ABCC1: variants seen among roughly 807,000 people sequenced by gnomAD.
ABCC1 encodes ATP binding cassette subfamily C member 1 (ABCC1 blood group), also known as multidrug resistance-associated protein 1.
Under a neutral mutation model 172.9 loss-of-function variants are expected in ABCC1, and 83 were observed. The observed-to-expected ratio is 0.48, with a 90% CI of 0.40 to 0.58. The LOEUF (loss-of-function observed/expected upper bound fraction) is 0.58. Ranked by LOEUF, ABCC1 falls within the 20% of genes least tolerant of loss-of-function variation. The pLI is 0.00. For missense variants in ABCC1, 1,817 were observed against 2,002.7 expected (o/e 0.91, Z 1.77); for synonymous variants, 937 against 825.2 (o/e 1.14, Z -2.32).
intron 1 of ABCC1, among the ~76,000 whole-genome samples, chr16:15,997,023 T>G (rs912837587): frequency 6.6e-6 from 1 of 151,590 alleles, no homozygotes; most frequent in African/African-American, 2.4e-5. Context: ...TTGATCAAGC[T>G]GGTGAAGTGT....
intron 19 of ABCC1, among the ~76,000 whole-genome samples, chr16:16,091,527 C>T (rs981604485): frequency 6.6e-6 from 1 of 151,988 alleles, no homozygotes. Flanking sequence ...GATAGGGAAA[C>T]CCTCTCTGGG....
intron 1 of ABCC1, among the ~76,000 whole-genome samples, chr16:15,963,561 G>A (rs1038768810): frequency 4.6e-5 from 7 of 152,206 alleles, no homozygotes; most frequent in African/African-American, 1.7e-4. Flanking sequence ...CTAGGTGGAG[G>A]TTTCCAAACC....
rs61396501 is a variant in ABCC1 at position 15,984,448 on chromosome 16, C to CGTTTTTT, written c.49-23368_49-23367insGTTTTTT. ...TTTTTATTGTTTACCTTGATATATA[C>CGTTTTTT]TTTTTTTTTTTTTGAGATAGAGTCT... is the stretch of plus-strand genomic sequence containing the variant. On this transcript the variant is annotated intron_variant, in intron 1 of 30. Coordinates refer to ENST00000399410, the MANE Select transcript of ABCC1 (RefSeq NM_004996.4). Among the ~76,000 whole-genome samples, 121 of 146,896 alleles carry CGTTTTTT rather than the reference C, an allele frequency of 8.2e-4. 17 individuals are homozygous for CGTTTTTT. Among genetic ancestry groups the CGTTTTTT allele is most frequent in the Middle Eastern group, 3.5e-3 (1 of 282 alleles).
At chr16:15,997,642 G>T (rs1391830830) in intron 1 of ABCC1, among the ~76,000 whole-genome samples, 1 of 152,006 alleles carries the variant, frequency 6.6e-6, no homozygotes, top group Non-Finnish European at 1.5e-5. Context: ...GACTGCCAGG[G>T]AATCGTCCCT....
chr16:15,981,225 T>G (rs977578977), intron 1 of ABCC1, among the ~76,000 whole-genome samples: 3 of 152,224 alleles, frequency 2.0e-5, no homozygotes, highest in Non-Finnish European at 4.4e-5. Context: ...AAGCTGTCCA[T>G]GGATCTACCA....
chr16:15,954,370 C>A (rs1437672446), intron 1 of ABCC1, among the ~76,000 whole-genome samples: 1 of 152,046 alleles, frequency 6.6e-6, no homozygotes, highest in East Asian at 1.9e-4. Flanking sequence ...CCAGACCCTT[C>A]CTCTCTCCCT....
At chr16:15,984,082 T>G (rs1257809487) in intron 1 of ABCC1, among the ~76,000 whole-genome samples, 1 of 152,196 alleles carries the variant, frequency 6.6e-6, no homozygotes, top group Admixed American at 6.5e-5. Context: ...CTAAGGGAAC[T>G]CATTGTGTCA....
intron 12 of ABCC1, among the ~76,000 whole-genome samples, chr16:16,057,818 C>A (rs977323214): frequency 6.6e-6 from 1 of 152,076 alleles, no homozygotes; most frequent in Non-Finnish European, 1.5e-5. Flanking sequence ...CTCTGTCCCC[C>A]AGGCTGGAGT....
intron 30 of ABCC1, among the ~76,000 whole-genome samples, chr16:16,139,794 T>C (rs1438909638): frequency 2.0e-5 from 3 of 152,072 alleles, no homozygotes; most frequent in Non-Finnish European, 2.9e-5. Flanking sequence ...TTTTGAGTTT[T>C]GTGTGGGTCA....
chr16:16,064,072 G>T (rs550846070), intron 12 of ABCC1, among the ~76,000 whole-genome samples: 2 of 152,180 alleles, frequency 1.3e-5, no homozygotes, highest in African/African-American at 2.4e-5. Context: ...CATAAACAGA[G>T]TAATAGATGC....
chr16:16,040,102 G>GTATT (rs1338233895), intron 7 of ABCC1, among the ~76,000 whole-genome samples: 1 of 148,686 alleles, frequency 6.7e-6, no homozygotes, highest in Non-Finnish European at 1.5e-5. Flanking sequence ...ATGTATGTAT[G>GTATT]TATGTATTTT....
At chr16:15,966,573 C>A (rs1452175985) in intron 1 of ABCC1, among the ~76,000 whole-genome samples, 2 of 151,884 alleles carry the variant, frequency 1.3e-5, no homozygotes, top group African/African-American at 2.4e-5. Context: ...TAAGGCTTCA[C>A]TAATTTACTA....
intron 1 of ABCC1, among the ~76,000 whole-genome samples, chr16:15,955,471 AGGGTACAAGCCAAAG>A (rs1328466406): frequency 1.3e-5 from 2 of 152,066 alleles, no homozygotes; most frequent in Non-Finnish European, 2.9e-5. Context: ...TAGTTCCTTG[AGGGTACAAGCCAAAG>A]GGCTTACAGT....
rs552340914 is a variant in ABCC1, at chr16:16,108,261, G to A, written c.2871+1388G>A. On this transcript the variant is annotated intron_variant, in intron 21 of 30. Coordinates refer to ENST00000399410, the MANE Select transcript of ABCC1 (RefSeq NM_004996.4). ...TGGAGCCAGGCACAACACGCTTATC[G>A]TTTCTTTGTGTCTTTTTTTTTTTTT... 3.9e-3 allele frequency among the ~76,000 whole-genome samples: 564 copies of A among 144,916 alleles called. 5 individuals are homozygous for A. The highest frequency in any genetic ancestry group is 0.013 in the African/African-American group (511 of 39,750).
intron 13 of ABCC1, among the ~76,000 whole-genome samples, chr16:16,070,753 C>A (rs1436189117): frequency 1.3e-5 from 2 of 152,166 alleles, no homozygotes; most frequent in Non-Finnish European, 2.9e-5. Flanking sequence ...TCTTTCCCTT[C>A]ATTTGTTTTT....
rs578080717 is a variant in ABCC1, at chr16:16,057,806, C to T, written c.1677+1511C>T. The stretch of plus-strand genomic sequence containing the variant: ...GGGGTTTTGTTTTGAAATGGGGTCT[C>T]GCTCTGTCCCCCAGGCTGGAGTACT... On this transcript the variant is annotated intron_variant, in intron 12 of 30. Transcript: ENST00000399410. Among the ~76,000 whole-genome samples, 13 of 152,106 alleles carry T rather than the reference C, an allele frequency of 8.5e-5. No individual in the cohort carries two copies. The South Asian group carries it at 1.0e-3, about 12-fold the overall frequency.
intron 7 of ABCC1, among the ~76,000 whole-genome samples, chr16:16,041,544 G>C (rs1022476358): frequency 1.3e-5 from 2 of 152,136 alleles, no homozygotes; most frequent in African/African-American, 4.8e-5. Flanking sequence ...AGAGGCATAA[G>C]CCAGATCTGG....
chr16:15,958,946 A>T (rs1470864344), intron 1 of ABCC1, among the ~76,000 whole-genome samples: 1 of 152,142 alleles, frequency 6.6e-6, no homozygotes, highest in African/African-American at 2.4e-5. Flanking sequence ...CCCCTAGTAG[A>T]TGCTGGTAGC....
At chr16:16,098,657 GAGA>G (rs760907874) in intron 19 of ABCC1, among the ~76,000 whole-genome samples, 2 of 152,338 alleles carry the variant, frequency 1.3e-5, no homozygotes, top group African/African-American at 2.4e-5. Flanking sequence ...TATGACTTTG[GAGA>G]AAGGGGTTGG....
Sources: gnomAD v4.1 joint callset for allele counts (sites outside exome capture counted in the v4.1 genomes callset) on GRCh38, gnomAD v4.1.1 for gene constraint, MANE v1.5 for transcripts, NCBI Gene and HGNC (gene_info 2026-07-23, HGNC 2026-07-21) for gene names.